Variants in ZCWPW1 observed in about 807,000 individuals in gnomAD.
The protein encoded by ZCWPW1 is zinc finger CW-type PWWP domain protein 1.
ZCWPW1 carries 56 observed loss-of-function variants against 81.3 expected under a neutral mutation model. The observed-to-expected ratio is 0.69, with a 90% CI of 0.56 to 0.86. The LOEUF is 0.86. Ranked by LOEUF, ZCWPW1 falls within the 40% of genes least tolerant of loss-of-function variation. The probability of loss-of-function intolerance (pLI) is 0.00; values close to 1 mark genes in which losing one functional copy is unlikely to be tolerated. For synonymous variants in ZCWPW1, 250 were observed against 273.7 expected, an observed-to-expected ratio of 0.91 and a Z score of 0.86; for missense variants, 650 against 769.8, an observed-to-expected ratio of 0.84 and a Z score of 1.84.
At chr7:100,404,635 C>T (rs1031132562) in intron 13 of ZCWPW1, among the ~76,000 whole-genome samples, 2 of 152,170 alleles carry the variant, frequency 1.3e-5, no homozygotes, top group Non-Finnish European at 2.9e-5. Context: ...GCTAGGATTA[C>T]AGGCGTGAAC....
chr7:100,401,394 T>C lies in ZCWPW1; in HGVS notation c.1628-58A>G, dbSNP rs1024806085. ...ATTAGGTCAGCCTGTCCTTACCTTT[T>C]ATAAGTCAAACTCCTAAATCTCTAT... On this transcript the variant is annotated intron_variant, in intron 17 of 17. Coordinates refer to ENST00000684423, the MANE Select transcript of ZCWPW1 (RefSeq NM_001386010.1). 3.5e-6 allele frequency: 5 copies of C among 1,417,828 alleles called. No individual in the cohort carries two copies. The African/African-American group carries it at 7.2e-5, about 20-fold the overall frequency. The allele number at this position is 1,417,828 out of a possible 1,614,324, so 87.8% of individuals were successfully genotyped here. A position where few individuals can be genotyped will look rare whatever the true frequency, so the allele number is the denominator to read the frequency against.
At chr7:100,405,434 A>T (rs1183108220) in intron 12 of ZCWPW1, among the ~76,000 whole-genome samples, 1 of 104,862 alleles carries the variant, frequency 9.5e-6, no homozygotes, top group Admixed American at 8.7e-5. Flanking sequence ...CTCAAAAAGA[A>T]AAAAAAAAGA....
At position 100,402,535 on chromosome 7, in the gene ZCWPW1, GGTCT is replaced by G; in HGVS notation, c.1451_1454del (p.Gln484ProfsTer27). On this transcript the variant is annotated frameshift_variant, in exon 16 of 18. Transcript: ENST00000684423. LOFTEE classifies it high-confidence loss of function. ...GCTTACCTCTTGGCTTGGTTTTTTG[GGTCT>G]GTATTTTGACTCGCTTACGAATGGG... 1 of 1,613,984 alleles carries G rather than the reference GGTCT, an allele frequency of 6.2e-7. No homozygotes were observed. Among genetic ancestry groups the G allele is most frequent in the Admixed American group, 1.7e-5 (1 of 59,978 alleles).
intron 12 of ZCWPW1, among the ~76,000 whole-genome samples, chr7:100,405,593 C>A (rs1792835108): frequency 6.6e-6 from 1 of 152,100 alleles, no homozygotes; most frequent in African/African-American, 2.4e-5. Context: ...GGACATAACA[C>A]CCCCCTTCCG....
chr7:100,421,486 A>G (rs1584285620), intron 2 of ZCWPW1, among the ~76,000 whole-genome samples: 1 of 152,316 alleles, frequency 6.6e-6, no homozygotes, highest in African/African-American at 2.4e-5. Flanking sequence ...TTAGATCCTC[A>G]GTCCAATCAA....
chr7:100,423,939 G>A (rs553595753), intron 2 of ZCWPW1, among the ~76,000 whole-genome samples: 83 of 151,916 alleles, frequency 5.5e-4, no homozygotes, highest in Non-Finnish European at 9.1e-4. Context: ...GCGTGGTGGC[G>A]GGCGCCTGTA....
chr7:100,427,602 G>C (rs1797889852), intron 1 of ZCWPW1, among the ~76,000 whole-genome samples: 1 of 151,932 alleles, frequency 6.6e-6, no homozygotes, highest in African/African-American at 2.4e-5. Context: ...GGGAGGCTGA[G>C]GCAGGGGAAT....
intron 9 of ZCWPW1, 68 bp from the exon 10 acceptor site, chr7:100,408,727 T>C (rs1227374247): frequency 1.3e-6 from 2 of 1,560,486 alleles, no homozygotes; most frequent in Non-Finnish European, 1.7e-6. Context: ...GGATGAGAGC[T>C]GGGGAGAGAA....
intron 2 of ZCWPW1, among the ~76,000 whole-genome samples, chr7:100,422,903 G>A (rs1338989602): frequency 6.6e-6 from 1 of 152,190 alleles, no homozygotes; most frequent in Non-Finnish European, 1.5e-5. Context: ...TGCTGCAAAG[G>A]ACATGATCTT....
At chr7:100,403,374 C>T (rs1053874333) in intron 15 of ZCWPW1, among the ~76,000 whole-genome samples, 5 of 152,030 alleles carry the variant, frequency 3.3e-5, no homozygotes, top group African/African-American at 1.2e-4. Flanking sequence ...CACCACCATG[C>T]CCGGATAATT....
chr7:100,419,300 G>A (rs1795929436), intron 4 of ZCWPW1, 111 bp from the exon 5 acceptor site: 2 of 925,850 alleles, frequency 2.2e-6, no homozygotes, highest in African/African-American at 1.7e-5. Flanking sequence ...AAGACGGAAG[G>A]CATGCAGTCA....
chr7:100,420,676 CCT>C lies in ZCWPW1; in HGVS notation c.-29_-28del, dbSNP rs778591151. 1.7e-5 allele frequency: 27 copies of C among 1,613,456 alleles called. No homozygotes were observed. In the African/African-American group the frequency reaches 2.3e-4, roughly 14 times the overall value. ...CAGCTTAGAAACTACGCTTTGTGTG[CCT>C]CTGTTAGAAAAAAGAAATTAACTGC... is the stretch of plus-strand genomic sequence containing the variant. On this transcript the variant is annotated splice_region_variant and 5_prime_UTR_variant, in exon 3 of 18. Transcript: ENST00000684423.
intron 7 of ZCWPW1, 43 bp downstream of exon 7, chr7:100,416,262 T>C (rs1442116571): frequency 6.2e-7 from 1 of 1,605,610 alleles, no homozygotes; most frequent in Non-Finnish European, 8.5e-7. Flanking sequence ...TTCCTGGAGC[T>C]AGTACTTGAG....
chr7:100,428,081 T>C (rs1798058771), intron 1 of ZCWPW1, among the ~76,000 whole-genome samples: 2 of 151,484 alleles, frequency 1.3e-5, no homozygotes, highest in South Asian at 2.1e-4. Context: ...CCTGAGAAAG[T>C]TTCTCCTCAG....
chr7:100,414,401 G>A (rs1222871398), intron 8 of ZCWPW1, among the ~76,000 whole-genome samples: 2 of 152,236 alleles, frequency 1.3e-5, no homozygotes, highest in Non-Finnish European at 2.9e-5. Flanking sequence ...GTACAAGCCT[G>A]TTTAGATTGT....
At chr7:100,402,309 C>G in intron 16 of ZCWPW1, 1 of 841,738 alleles carries the variant, frequency 1.2e-6, no homozygotes, top group Non-Finnish European at 2.1e-6. Context: ...GAAATTAAAA[C>G]CTTCCATCTT....
At chr7:100,417,276 G>A in intron 5 of ZCWPW1, 93 bp from the exon 6 acceptor site, 1 of 941,796 alleles carries the variant, frequency 1.1e-6, no homozygotes, top group Non-Finnish European at 1.6e-6. Flanking sequence ...TCTTCTCCCT[G>A]TAGCCTGAAA....
At position 100,418,194 on chromosome 7, in the gene ZCWPW1, G is replaced by A. The variant is rs113800591; in HGVS notation, c.361+917C>T. 3.5e-3 allele frequency among the ~76,000 whole-genome samples: 539 copies of A among 152,226 alleles called. 4 individuals are homozygous for A. The highest frequency in any genetic ancestry group is 0.012 in the African/African-American group (511 of 41,548). On this transcript the variant is annotated intron_variant, in intron 5 of 17. Transcript: ENST00000684423. ...GCCACTGCACCTGGCCTCCCTCACT[G>A]CGTTCTTTATTCCAAAAACTAAATC... is the stretch of plus-strand genomic sequence containing the variant.
Position 100,409,688 on chromosome 7 carries a change from A to T in ZCWPW1, c.755-144T>A, listed in dbSNP as rs1436754466. On this transcript the variant is annotated intron_variant, in intron 8 of 17. Transcript: ENST00000684423. ...GATCAACCAGCCCGATCCCTGACTT[A>T]TAAGAGGGAAACCAAGGCTCAAAGA... 3 of 619,144 alleles carry T rather than the reference A, an allele frequency of 4.8e-6. No homozygotes were observed. The East Asian group carries it at 8.4e-5, about 17-fold the overall frequency. The allele number at this position is 619,144 out of a possible 1,614,324, so 38.4% of individuals were successfully genotyped here.
Sources: allele counts gnomAD v4.1 joint callset (sites outside exome capture counted in the v4.1 genomes callset), GRCh38; gene constraint gnomAD v4.1.1; transcripts MANE v1.5; gene names NCBI Gene and HGNC (gene_info 2026-07-23, HGNC 2026-07-21).